The following ZNF423 variants were observed in gnomAD, a reference collection of about 807,000 sequenced individuals.
The protein encoded by ZNF423 is zinc finger protein 423, also known as Ebf-associated zinc finger protein.
In ZNF423, 12 loss-of-function variants were observed where a neutral mutation model predicts 95.8. That is an observed-to-expected ratio of 0.13 (90% CI 0.08 to 0.20). The LOEUF (loss-of-function observed/expected upper bound fraction) is 0.20. Ranked by LOEUF, ZNF423 falls within the 10% of genes least tolerant of loss-of-function variation. The probability of loss-of-function intolerance (pLI) is 1.00; values close to 1 mark genes in which losing one functional copy is unlikely to be tolerated. For synonymous variants in ZNF423, 749 were observed against 711.9 expected (o/e 1.05, Z -0.83); for missense variants, 1,316 against 1,737.1 (o/e 0.76, Z 4.31).
At chr16:49,714,774 T>TA (rs769716523) in intron 3 of ZNF423, among the ~76,000 whole-genome samples, 112 of 151,858 alleles carry the variant, frequency 7.4e-4, no homozygotes, top group Admixed American at 9.8e-4. Flanking sequence ...AAAATTAATT[T>TA]AAAAATAAAA....
chr16:49,487,791 T>G lies in ZNF423; in HGVS notation c.*3484A>C, dbSNP rs1966869416. 6.6e-6 allele frequency: 1 copy of G among 152,248 alleles called. No homozygotes were observed. The highest frequency in any genetic ancestry group is 1.5e-5 in the Non-Finnish European group (1 of 68,066). The allele number at this position is 152,248 out of a possible 1,614,324, so 9.4% of individuals were successfully genotyped here. On this transcript the variant is annotated 3_prime_UTR_variant, in exon 8 of 8. Transcript: ENST00000563137. ...CTCACGGCTTCTGCATTTGCAGTGT[T>G]CTCTTCCCACTGCTCTTGGACTGCC...
rs1435941875 is a variant in ZNF423, at chr16:49,638,214, T to C, written c.962A>G (p.His321Arg). ...VFVDENTLLA[H>R]IHQAHANQKH... ...CTGGTTGGCGTGGGCTTGGTGGATATGGGCGAGCAGTGTGTTCTCGTCGAC... is the reference window on the plus strand; with the variant it reads ...CTGGTTGGCGTGGGCTTGGTGGATACGGGCGAGCAGTGTGTTCTCGTCGAC... Residue 321 changes from histidine to arginine, a missense_variant, in exon 4 of 8, where the codon CAT becomes CGT. Transcript: ENST00000563137. This position sits in a 1 kb window ranked among gnomAD's most constrained non-coding sequence, Gnocchi z 5.6. 18 of 1,608,442 alleles carry C rather than the reference T, an allele frequency of 1.1e-5. No individual in the cohort carries two copies. The highest frequency in any genetic ancestry group is 1.4e-5 in the Non-Finnish European group (16 of 1,179,992).
chr16:49,563,253 T>C (rs2080502), intron 5 of ZNF423, among the ~76,000 whole-genome samples: 74,760 of 151,856 alleles, frequency 0.49, 18,691 homozygotes, highest in East Asian at 0.76. Flanking sequence ...TTAGTTCCCA[T>C]AGAGCTGATT....
intron 2 of ZNF423, 125 bp from the exon 3 acceptor site, chr16:49,731,096 A>T: frequency 9.0e-7 from 1 of 1,107,300 alleles, no homozygotes; most frequent in South Asian, 1.5e-5. Flanking sequence ...ATTATCCTTG[A>T]CACCTCTCAG....
chr16:49,727,112 T>C (rs1480164852), intron 3 of ZNF423, among the ~76,000 whole-genome samples: 1 of 152,200 alleles, frequency 6.6e-6, no homozygotes, highest in Non-Finnish European at 1.5e-5. Context: ...ATGCAATGTT[T>C]GATACCTCAT....
rs765347819 is a variant in ZNF423 at position 49,525,403 on chromosome 16, C to G, written c.3693G>C (p.Glu1231Asp). The change falls in exon 6 of 8, where the codon GAG becomes GAC. Residue 1231 changes from glutamate (E) to aspartate (D), a missense_variant. By Grantham distance (45) the Glu-to-Asp change is conservative. This residue lies in a region of ZNF423 where 75 missense variants were observed against 163.5 expected (regional missense o/e 0.46). Coordinates refer to ENST00000563137, the MANE Select transcript of ZNF423 (RefSeq NM_001379286.1). Reference sequence around the variant, plus strand: ...GGCATTTGAAGGTGCCGCCCATGCCCTCGAAGCTGTGCTCAATGAGGTGAC... The same window carrying G: ...GGCATTTGAAGGTGCCGCCCATGCCGTCGAAGCTGTGCTCAATGAGGTGAC... ...LLCHLIEHSF[E>D]GMGGTFKCPV... 1 of 1,614,092 alleles carries G rather than the reference C, an allele frequency of 6.2e-7. No homozygotes were observed. The highest frequency in any genetic ancestry group is 1.1e-5 in the South Asian group (1 of 91,076).
At chr16:49,496,722 C>A (rs574250535) in intron 7 of ZNF423, among the ~76,000 whole-genome samples, 2 of 152,356 alleles carry the variant, frequency 1.3e-5, no homozygotes, top group South Asian at 4.1e-4. Flanking sequence ...ACGGCAAATG[C>A]TCCACAGATC....
intron 2 of ZNF423, among the ~76,000 whole-genome samples, chr16:49,748,066 A>C (rs2033560385): frequency 6.6e-6 from 1 of 152,242 alleles, no homozygotes; most frequent in Non-Finnish European, 1.5e-5. Context: ...AATAAGTGAG[A>C]CCTTGTCTCT....
At chr16:49,538,640 T>C (rs771813037) in intron 5 of ZNF423, among the ~76,000 whole-genome samples, 95 of 152,228 alleles carry the variant, frequency 6.2e-4, no homozygotes, top group Non-Finnish European at 9.3e-4. Flanking sequence ...ACCCCTACTT[T>C]TGGCCGCACC....
At chr16:49,651,478 G>A (rs1171408060) in intron 3 of ZNF423, among the ~76,000 whole-genome samples, 2 of 152,170 alleles carry the variant, frequency 1.3e-5, no homozygotes, top group African/African-American at 4.8e-5. Flanking sequence ...CCATTAGGGG[G>A]TGTCCCGGGC....
intron 5 of ZNF423, among the ~76,000 whole-genome samples, chr16:49,578,567 C>T (rs1412399174): frequency 2.6e-5 from 4 of 152,210 alleles, no homozygotes; most frequent in Admixed American, 2.6e-4. Flanking sequence ...CCAGCCCCCT[C>T]GCCTCTCGCC....
chr16:49,489,541 A>G lies in ZNF423; in HGVS notation c.*1734T>C, dbSNP rs1406331903. ...TGCCTTTTGAAAAACTGAAAGCCCC[A>G]CCCGCGTGAGAACATTACATGAGGT... On this transcript the variant is annotated 3_prime_UTR_variant, in exon 8 of 8. Coordinates refer to ENST00000563137, the MANE Select transcript of ZNF423 (RefSeq NM_001379286.1). 6.6e-6 allele frequency: 1 copy of G among 152,148 alleles called. No individual in the cohort carries two copies. The highest frequency in any genetic ancestry group is 1.5e-5 in the Non-Finnish European group (1 of 68,034). The allele number at this position is 152,148 out of a possible 1,614,324, so 9.4% of individuals were successfully genotyped here.
chr16:49,732,901 G>A (rs1243405626), intron 2 of ZNF423, among the ~76,000 whole-genome samples: 1 of 152,196 alleles, frequency 6.6e-6, no homozygotes, highest in East Asian at 1.9e-4. Flanking sequence ...CTGCGCGGAG[G>A]CAGTAAAAAT....
intron 5 of ZNF423, among the ~76,000 whole-genome samples, chr16:49,564,175 G>A (rs1970108178): frequency 6.6e-6 from 1 of 152,186 alleles, no homozygotes; most frequent in South Asian, 2.1e-4. Context: ...TACCACAAAC[G>A]CCACTGCCAC....
chr16:49,632,625 G>A (rs1024450990), intron 4 of ZNF423, among the ~76,000 whole-genome samples: 2 of 152,040 alleles, frequency 1.3e-5, no homozygotes, highest in South Asian at 2.1e-4. Context: ...CTGCACAGCC[G>A]CGCACAGCTG....
intron 5 of ZNF423, among the ~76,000 whole-genome samples, chr16:49,549,265 G>A (rs894752606): frequency 4.6e-5 from 7 of 152,194 alleles, no homozygotes; most frequent in African/African-American, 1.7e-4. Flanking sequence ...AAGACTGAGG[G>A]TGGGAACAGG....
At chr16:49,499,379 C>T (rs1161881174) in intron 7 of ZNF423, among the ~76,000 whole-genome samples, 1 of 152,234 alleles carries the variant, frequency 6.6e-6, no homozygotes, top group African/African-American at 2.4e-5. Flanking sequence ...GTGAGAGCCT[C>T]AATTCATCCG....
chr16:49,650,742 G>A (rs1009798890), intron 3 of ZNF423, among the ~76,000 whole-genome samples: 3 of 152,178 alleles, frequency 2.0e-5, no homozygotes, highest in Admixed American at 1.3e-4. Flanking sequence ...CAGTAATGAG[G>A]AAAAAGAACA....
chr16:49,855,511 T>TCCGCCTCCG lies in ZNF423; in HGVS notation c.40+223_40+224insCGGAGGCGG, dbSNP rs1555490828. ...GGGAGGGTGTCCGCGGCGTACCCCC[T>TCCGCCTCCG]CCGCCGCCGCCGCCGCCGCCGCCGC... On this transcript the variant is annotated intron_variant, in intron 1 of 7. Transcript: ENST00000563137. The surrounding 1 kb of genome is among the most constrained non-coding windows in gnomAD (Gnocchi z 4.7). Among the ~76,000 whole-genome samples the TCCGCCTCCG allele has an allele frequency of 7.0e-6, 1 of 143,842 alleles. No individual in the cohort carries two copies. The highest frequency in any genetic ancestry group is 2.6e-5 in the African/African-American group (1 of 37,942). The allele number at this position is 143,842 out of a possible 152,430, so 94.4% of individuals were successfully genotyped here.
Sources: allele counts gnomAD v4.1 joint callset (sites outside exome capture counted in the v4.1 genomes callset), GRCh38; gene constraint gnomAD v4.1.1; regional missense constraint gnomAD v4.1.1; non-coding constraint Gnocchi (gnomAD v3.1); transcripts MANE v1.5; gene names NCBI Gene and HGNC (gene_info 2026-07-23, HGNC 2026-07-21).